Variants in USP43 observed in about 807,000 individuals in gnomAD.
The protein encoded by USP43 is ubiquitin specific peptidase 43.
Under a neutral mutation model 90.7 loss-of-function variants are expected in USP43, and 33 were observed. That is an observed-to-expected ratio of 0.36 (90% confidence interval 0.28 to 0.49). The LOEUF (loss-of-function observed/expected upper bound fraction) is 0.49, where lower values mean the gene tolerates loss of function less well. USP43 is among the 20% of genes least tolerant of loss of function. USP43 has a pLI of 0.98. For missense variants in USP43, 1,274 were observed against 1,476.4 expected (o/e 0.86, Z 2.25); for synonymous variants, 598 against 615.8 (o/e 0.97, Z 0.43).
chr17:9,672,518 T>C (rs1913506652), intron 3 of USP43, among the ~76,000 whole-genome samples: 2 of 152,232 alleles, frequency 1.3e-5, no homozygotes, highest in Admixed American at 6.5e-5. Context: ...CATTGGTTTA[T>C]ATACTTGTGA....
chr17:9,722,632 T>G (rs1394610355), intron 14 of USP43, among the ~76,000 whole-genome samples: 1 of 152,202 alleles, frequency 6.6e-6, no homozygotes, highest in Non-Finnish European at 1.5e-5. Context: ...ATCCCAGTAT[T>G]TAGAAGCCAG....
chr17:9,714,134 G>A lies in USP43; in HGVS notation c.2335+2002G>A, dbSNP rs1019290519. Among the ~76,000 whole-genome samples, 9 of 152,150 alleles carry A rather than the reference G, an allele frequency of 5.9e-5. No individual in the cohort carries two copies. The South Asian group carries it at 1.0e-3, about 18-fold the overall frequency. ...ATCTGACAGGAGGCGGAGCTCAGGC[G>A]GTAATGCGAGTGATGGGGAGCAGCT... On this transcript the variant is annotated intron_variant, in intron 14 of 14. Coordinates refer to ENST00000285199, the MANE Select transcript of USP43 (RefSeq NM_153210.5).
chr17:9,675,554 G>A (rs187240811), intron 4 of USP43, among the ~76,000 whole-genome samples: 32 of 152,252 alleles, frequency 2.1e-4, no homozygotes, highest in African/African-American at 7.2e-4. Context: ...CCTGGCATGT[G>A]GGTGAGCTCC....
At chr17:9,710,698 G>A (rs112737715) in intron 13 of USP43, among the ~76,000 whole-genome samples, 2,077 of 151,852 alleles carry the variant, frequency 0.014, 51 homozygotes, top group African/African-American at 0.048. Context: ...AGCAGAGACG[G>A]GGTTTCACCA....
chr17:9,647,616 A>C (rs956098663), intron 1 of USP43: 2 of 152,172 alleles, frequency 1.3e-5, no homozygotes, highest in African/African-American at 2.4e-5. Context: ...AACCTAGAGC[A>C]GGGAGGGAGG....
chr17:9,709,160 G>A lies in USP43; in HGVS notation c.2012-796G>A, dbSNP rs1394400303. Among the ~76,000 whole-genome samples the A allele has an allele frequency of 2.0e-5, 3 of 152,160 alleles. No homozygotes were observed. Among genetic ancestry groups the A allele is most frequent in the South Asian group, 2.1e-4 (1 of 4,838 alleles). ...TAGAGGGCAAGGAAACGGATATTTT[G>A]TTGTCGTTACTTGAGAAATGGTGAG... On this transcript the variant is annotated intron_variant, in intron 12 of 14. Coordinates refer to ENST00000285199, the MANE Select transcript of USP43 (RefSeq NM_153210.5). This position sits in a 1 kb window ranked among gnomAD's most constrained non-coding sequence, Gnocchi z 5.0.
chr17:9,716,386 C>A (rs990824863), intron 14 of USP43, among the ~76,000 whole-genome samples: 2 of 151,758 alleles, frequency 1.3e-5, no homozygotes, highest in African/African-American at 4.8e-5. Flanking sequence ...AAATGAACAT[C>A]CTCATATACC....
At chr17:9,714,518 A>G (rs943938659) in intron 14 of USP43, among the ~76,000 whole-genome samples, 4 of 116,818 alleles carry the variant, frequency 3.4e-5, no homozygotes, top group Non-Finnish European at 6.5e-5. Flanking sequence ...CGTCTCTACT[A>G]AAAATACAAA....
At chr17:9,700,135 C>A in intron 9 of USP43, 37 bp from the exon 10 acceptor site, 1 of 1,557,284 alleles carries the variant, frequency 6.4e-7, no homozygotes, top group African/African-American at 1.4e-5. Flanking sequence ...GAAGGAGGCC[C>A]CGTGTTTTCT....
chr17:9,690,035 G>A (rs142178562), intron 8 of USP43, among the ~76,000 whole-genome samples: 282 of 152,236 alleles, frequency 1.9e-3, no homozygotes, highest in African/African-American at 6.4e-3. Context: ...CTGGCTAGAC[G>A]TATGAGCTCC....
intron 9 of USP43, among the ~76,000 whole-genome samples, chr17:9,698,115 G>C (rs1195024516): frequency 3.9e-5 from 6 of 152,108 alleles, no homozygotes; most frequent in Non-Finnish European, 7.4e-5. Flanking sequence ...TAATATGTTT[G>C]TTGGCCACTT....
intron 14 of USP43, among the ~76,000 whole-genome samples, chr17:9,716,878 G>T (rs766769396): frequency 6.6e-6 from 1 of 152,180 alleles, no homozygotes; most frequent in Non-Finnish European, 1.5e-5. Context: ...GCACATGCCT[G>T]TAATCCCAGC....
chr17:9,720,082 C>G (rs1226708268), intron 14 of USP43, among the ~76,000 whole-genome samples: 1 of 151,150 alleles, frequency 6.6e-6, no homozygotes, highest in East Asian at 2.0e-4. Context: ...AAAAGAAAGA[C>G]TAGGAAGCCG....
At chr17:9,697,725 A>G (rs1252222792) in intron 9 of USP43, among the ~76,000 whole-genome samples, 1 of 123,670 alleles carries the variant, frequency 8.1e-6, no homozygotes, top group Non-Finnish European at 1.7e-5. Context: ...CATTTTCTTT[A>G]TCCAATCCAC....
chr17:9,676,944 C>T lies in USP43; in HGVS notation c.969+63C>T. 1.9e-6 allele frequency: 3 copies of T among 1,572,522 alleles called. No individual in the cohort carries two copies. The South Asian group carries it at 3.6e-5, about 19-fold the overall frequency. ...ATAGAATGCTAACTGAGCCAGCTGT[C>T]TAGGCTGTTTAGGCCAATTTGTGGT... is the stretch of plus-strand genomic sequence containing the variant. On this transcript the variant is annotated intron_variant, in intron 5 of 14. Coordinates refer to ENST00000285199, the MANE Select transcript of USP43 (RefSeq NM_153210.5).
At chr17:9,645,484 C>T (rs1257590683), upstream of USP43, 2 of 769,358 alleles carry the variant, frequency 2.6e-6, no homozygotes, top group Non-Finnish European at 3.4e-6. This position sits in a 1 kb window ranked among gnomAD's most constrained non-coding sequence, Gnocchi z 6.8. Flanking sequence ...CGGGGCTGCC[C>T]CGCCCTTGGC....
At chr17:9,647,068 A>G (rs1283421507) in intron 1 of USP43, 3 of 143,870 alleles carry the variant, frequency 2.1e-5, no homozygotes, top group African/African-American at 8.7e-5. Flanking sequence ...CTGCAAAAAA[A>G]AAAAAAAAAA....
chr17:9,664,562 TC>T (rs1475120978), intron 2 of USP43, among the ~76,000 whole-genome samples: 2 of 152,112 alleles, frequency 1.3e-5, no homozygotes, highest in Non-Finnish European at 2.9e-5. Flanking sequence ...CTAAAAAGAC[TC>T]CATGGGGGGA....
intron 1 of USP43, among the ~76,000 whole-genome samples, chr17:9,655,510 A>G (rs540485401): frequency 2.5e-4 from 38 of 152,252 alleles, no homozygotes; most frequent in Non-Finnish European, 4.7e-4. Flanking sequence ...ACTCTTTGCA[A>G]TAAACTTTTA....
Sources: allele counts gnomAD v4.1 joint callset (sites outside exome capture counted in the v4.1 genomes callset), GRCh38; gene constraint gnomAD v4.1.1; non-coding constraint Gnocchi (gnomAD v3.1); transcripts MANE v1.5; gene names NCBI Gene and HGNC (gene_info 2026-07-23, HGNC 2026-07-21).